SPOCK1: variants seen among roughly 807,000 people sequenced by gnomAD.
The protein encoded by SPOCK1 is testican-1.
SPOCK1 carries 23 observed loss-of-function variants against 55.3 expected under a neutral mutation model. That is an observed-to-expected ratio of 0.42 (90% CI 0.30 to 0.59). The LOEUF (loss-of-function observed/expected upper bound fraction) is 0.59. Among genes scored for constraint, SPOCK1 ranks in the 20% least tolerant of loss-of-function variants. SPOCK1 has a pLI of 0.22. For synonymous variants in SPOCK1, 226 were observed against 221.0 expected (o/e 1.02, Z -0.20); for missense variants, 499 against 552.5 (o/e 0.90, Z 0.97).
chr5:137,393,516 T>C (rs1751771864), intron 2 of SPOCK1, among the ~76,000 whole-genome samples: 1 of 152,204 alleles, frequency 6.6e-6, no homozygotes, highest in South Asian at 2.1e-4. Flanking sequence ...TTGTTGTGTG[T>C]TTCAGTGGCT....
intron 3 of SPOCK1, among the ~76,000 whole-genome samples, chr5:137,210,484 T>C (rs1435323379): frequency 6.6e-6 from 1 of 152,218 alleles, no homozygotes; most frequent in East Asian, 1.9e-4. Context: ...TCGGTTTTAT[T>C]TCAGAGTCAT....
intron 2 of SPOCK1, among the ~76,000 whole-genome samples, chr5:137,286,706 T>TA (rs1328626699): frequency 6.6e-6 from 1 of 152,110 alleles, no homozygotes; most frequent in Non-Finnish European, 1.5e-5. Context: ...AGGAGGGTGG[T>TA]AGGTGAAGCC....
chr5:137,253,583 G>C (rs1756578504), intron 3 of SPOCK1, among the ~76,000 whole-genome samples: 1 of 152,160 alleles, frequency 6.6e-6, no homozygotes, highest in South Asian at 2.1e-4. Context: ...TCCTCATCCA[G>C]TGTTCAATTT....
At chr5:137,050,264 C>T in intron 6 of SPOCK1, among the ~76,000 whole-genome samples, 1 of 114,926 alleles carries the variant, frequency 8.7e-6, no homozygotes, top group African/African-American at 3.2e-5. Flanking sequence ...GCAGTTTGAT[C>T]TCAGACTGCT....
chr5:137,066,690 C>T (rs1752510037), intron 6 of SPOCK1, among the ~76,000 whole-genome samples: 1 of 152,122 alleles, frequency 6.6e-6, no homozygotes, highest in African/African-American at 2.4e-5. Context: ...ATGAGATTAG[C>T]TTTTTAGAAA....
chr5:137,266,054 C>T (rs547994716), intron 3 of SPOCK1, among the ~76,000 whole-genome samples: 6 of 152,220 alleles, frequency 3.9e-5, no homozygotes, highest in East Asian at 1.9e-4. Flanking sequence ...TTTTTGCTTA[C>T]GAGAAAACCA....
At chr5:137,067,126 C>T (rs1752523192) in intron 6 of SPOCK1, among the ~76,000 whole-genome samples, 1 of 152,108 alleles carries the variant, frequency 6.6e-6, no homozygotes, top group Admixed American at 6.5e-5. Flanking sequence ...GAGGCTGAGA[C>T]CAGTGGGACA....
intron 3 of SPOCK1, among the ~76,000 whole-genome samples, chr5:137,209,654 G>C (rs1372562844): frequency 6.6e-6 from 1 of 152,096 alleles, no homozygotes; most frequent in Non-Finnish European, 1.5e-5. Flanking sequence ...CTGAGAATTC[G>C]GTCTCAGCGT....
chr5:137,043,739 T>G (rs373774497), intron 6 of SPOCK1, among the ~76,000 whole-genome samples: 1 of 152,092 alleles, frequency 6.6e-6, no homozygotes, highest in Non-Finnish European at 1.5e-5. Flanking sequence ...ACCTGACCAG[T>G]ACTCAGAACT....
chr5:137,175,049 G>T (rs1322779193), intron 3 of SPOCK1, among the ~76,000 whole-genome samples: 1 of 152,160 alleles, frequency 6.6e-6, no homozygotes, highest in Non-Finnish European at 1.5e-5. Flanking sequence ...AAAATCTACA[G>T]TTCAGTCCTG....
intron 3 of SPOCK1, among the ~76,000 whole-genome samples, chr5:137,261,136 A>G (rs1263239623): frequency 1.3e-5 from 2 of 152,224 alleles, no homozygotes; most frequent in Admixed American, 6.5e-5. Flanking sequence ...AAAAACTTTC[A>G]AGGCCCTATA....
intron 2 of SPOCK1, among the ~76,000 whole-genome samples, chr5:137,422,285 G>A (rs896046540): frequency 6.6e-6 from 1 of 152,212 alleles, no homozygotes; most frequent in African/African-American, 2.4e-5. Flanking sequence ...TTCTAGAGGA[G>A]TATCTTTGTG....
intron 6 of SPOCK1, among the ~76,000 whole-genome samples, chr5:137,025,097 A>AG (rs1751647708): frequency 6.6e-6 from 1 of 152,172 alleles, no homozygotes; most frequent in Non-Finnish European, 1.5e-5. Flanking sequence ...AGCAGTTGCC[A>AG]GGGGGAAGAG....
chr5:137,082,589 G>A (rs531710844), intron 5 of SPOCK1, among the ~76,000 whole-genome samples: 1 of 152,312 alleles, frequency 6.6e-6, no homozygotes, highest in South Asian at 2.1e-4. Flanking sequence ...TGCATAACAA[G>A]CATCCAGGTT....
chr5:137,153,878 A>AAAGAAG (rs746685262), intron 3 of SPOCK1, among the ~76,000 whole-genome samples: 1 of 151,942 alleles, frequency 6.6e-6, no homozygotes, highest in African/African-American at 2.4e-5. Context: ...AAAAACAAAA[A>AAAGAAG]AAGAAGAAGA....
chr5:137,036,289 ATT>A (rs11306551), intron 6 of SPOCK1, among the ~76,000 whole-genome samples: 27 of 150,202 alleles, frequency 1.8e-4, no homozygotes, highest in African/African-American at 2.9e-4. Flanking sequence ...TGCCTTGCCC[ATT>A]TTTTTTTTTC....
chr5:137,247,226 G>A (rs1161423685), intron 3 of SPOCK1, among the ~76,000 whole-genome samples: 1 of 152,156 alleles, frequency 6.6e-6, no homozygotes, highest in African/African-American at 2.4e-5. Context: ...GTGGAGGGGA[G>A]CTGGAGATGA....
At chr5:137,373,036 G>C (rs1751234428) in intron 2 of SPOCK1, among the ~76,000 whole-genome samples, 1 of 152,174 alleles carries the variant, frequency 6.6e-6, no homozygotes, top group East Asian at 1.9e-4. Context: ...CTCTGTGTAT[G>C]CTCTCTTGCC....
In SPOCK1 at chr5:136,977,604, A is replaced by G. The variant is rs1408445858; in HGVS notation, c.*1050T>C. On this transcript the variant is annotated 3_prime_UTR_variant, in exon 11 of 11. Transcript: ENST00000394945. ...GAAAAAGCCCTTGAGTAGGTAAGGA[A>G]GGAAGAAACCTATGGCAGACAGGAT... The G allele has an allele frequency of 1.0e-5, 4 of 390,166 alleles. No homozygotes were observed. Among genetic ancestry groups the G allele is most frequent in the African/African-American group, 6.3e-5 (3 of 47,738 alleles). The allele number at this position is 390,166 out of a possible 1,614,324, so 24.2% of individuals were successfully genotyped here.
Sources: allele counts gnomAD v4.1 joint callset (sites outside exome capture counted in the v4.1 genomes callset), GRCh38; gene constraint gnomAD v4.1.1; transcripts MANE v1.5; gene names NCBI Gene and HGNC (gene_info 2026-07-23, HGNC 2026-07-21).